The following GC variants were observed in gnomAD, a reference collection of about 807,000 sequenced individuals.
The protein encoded by GC is vitamin D-binding protein.
In GC, 43 loss-of-function variants were observed where a neutral mutation model predicts 56.7. That is an observed-to-expected ratio of 0.76 (90% confidence interval 0.59 to 0.98). The LOEUF (loss-of-function observed/expected upper bound fraction) is 0.98, where lower values mean the gene tolerates loss of function less well. GC is among the 50% of genes least tolerant of loss of function. The pLI, the probability that GC is intolerant of heterozygous loss-of-function variation, is 0.00. For synonymous variants in GC, 216 were observed against 202.7 expected (o/e 1.07, Z -0.56); for missense variants, 529 against 545.9 (o/e 0.97, Z 0.31).
At chr4:71,744,865 A>G (rs1036140483) in intron 12 of GC, among the ~76,000 whole-genome samples, 3 of 152,224 alleles carry the variant, frequency 2.0e-5, no homozygotes, top group Non-Finnish European at 4.4e-5. Context: ...CAGAGATCAG[A>G]AACTATTTTA....
intron 1 of GC, among the ~76,000 whole-genome samples, chr4:71,802,408 A>G (rs1359604249): frequency 6.6e-6 from 1 of 152,198 alleles, no homozygotes; most frequent in South Asian, 2.1e-4. Context: ...GGCCCATACA[A>G]TCTTTTAGAG....
chr4:71,761,434 A>C (rs1425799252), intron 6 of GC, among the ~76,000 whole-genome samples: 1 of 152,246 alleles, frequency 6.6e-6, no homozygotes. Context: ...AAAAGTTCAG[A>C]AAATTTGCAG....
intron 1 of GC, among the ~76,000 whole-genome samples, chr4:71,774,900 T>C (rs1423853101): frequency 6.6e-6 from 1 of 152,036 alleles, no homozygotes; most frequent in Non-Finnish European, 1.5e-5. Flanking sequence ...AGAATTACTC[T>C]ATTGAAATTT....
chr4:71,751,238 T>C (rs1389850804), intron 11 of GC, among the ~76,000 whole-genome samples: 1 of 152,114 alleles, frequency 6.6e-6, no homozygotes, highest in Non-Finnish European at 1.5e-5. Flanking sequence ...AGATGCTGAC[T>C]TGGTGAAAGA....
intron 1 of GC, among the ~76,000 whole-genome samples, chr4:71,794,265 G>T (rs1291301762): frequency 6.6e-6 from 1 of 152,068 alleles, no homozygotes; most frequent in African/African-American, 2.4e-5. Flanking sequence ...GGTAGAATTC[G>T]GCTGTGAATC....
chr4:71,789,510 G>A (rs1742921774), intron 1 of GC, among the ~76,000 whole-genome samples: 1 of 151,858 alleles, frequency 6.6e-6, no homozygotes, highest in Non-Finnish European at 1.5e-5. Flanking sequence ...GGATCATATT[G>A]CAAAATAAGT....
In GC at chr4:71,790,560, T is replaced by A. The variant is rs61582153; in HGVS notation, c.22-6506A>T. ...GTTTGCTTTCTACTTTTTTCTTCTG[T>A]ATTTTTTCCTTTTTTTGTTCATTTT... On this transcript the variant is annotated intron_variant, in intron 1 of 13. Transcript: ENST00000504199. Among the ~76,000 whole-genome samples the A allele has an allele frequency of 2.7e-4, 41 of 152,032 alleles. 1 individual carries two copies. In the East Asian group the frequency reaches 7.6e-3, roughly 28 times the overall value.
intron 1 of GC, among the ~76,000 whole-genome samples, chr4:71,794,866 C>T (rs950857971): frequency 5.3e-5 from 8 of 152,036 alleles, no homozygotes; most frequent in Non-Finnish European, 1.2e-4. Context: ...TGTCTTTTTT[C>T]TCATTGGTTT....
chr4:71,804,074 A>C, upstream of GC: 1 of 701,176 alleles, frequency 1.4e-6, no homozygotes, highest in Non-Finnish European at 2.6e-6. Flanking sequence ...TTAGACAAAG[A>C]TTTGTATGCA....
At chr4:71,781,320 G>A (rs1160987876) in intron 1 of GC, among the ~76,000 whole-genome samples, 1 of 151,630 alleles carries the variant, frequency 6.6e-6, no homozygotes, top group Admixed American at 6.6e-5. Context: ...AACCAACATG[G>A]CACATGTATA....
upstream of GC, among the ~76,000 whole-genome samples, chr4:71,788,184 T>C (rs776354238): frequency 2.4e-5 from 3 of 126,672 alleles, no homozygotes; most frequent in Non-Finnish European, 5.7e-5. Flanking sequence ...CATGCTAGAA[T>C]TCTGTAATTC....
intron 12 of GC, among the ~76,000 whole-genome samples, chr4:71,744,286 C>CAAAAAAAAAAA (rs748337307): frequency 1.2e-5 from 1 of 83,590 alleles, no homozygotes; most frequent in Admixed American, 1.2e-4. Context: ...ACTAAAAATA[C>CAAAAAAAAAAA]AAAAAAAAAA....
At chr4:71,754,536 A>G in intron 9 of GC, 28 bp from the exon 10 acceptor site, 3 of 1,153,900 alleles carry the variant, frequency 2.6e-6, no homozygotes, top group East Asian at 4.7e-5. Flanking sequence ...TTGCATAACA[A>G]AATTATTTGT....
upstream of GC, chr4:71,784,290 T>C (rs1268901491): frequency 2.6e-6 from 3 of 1,145,126 alleles, no homozygotes; most frequent in East Asian, 1.4e-4. Flanking sequence ...TCATTAACTT[T>C]GTCAAACTGC....
At chr4:71,792,689 CT>C (rs1317023368) in intron 1 of GC, among the ~76,000 whole-genome samples, 1 of 152,080 alleles carries the variant, frequency 6.6e-6, no homozygotes, top group African/African-American at 2.4e-5. Context: ...TCTATTTTGA[CT>C]TTTGTTGCCA....
intron 6 of GC, among the ~76,000 whole-genome samples, chr4:71,760,527 G>A (rs1741934251): frequency 6.6e-6 from 1 of 152,068 alleles, no homozygotes; most frequent in Non-Finnish European, 1.5e-5. Context: ...TATGAGAGAA[G>A]TGCAGCATAG....
upstream of GC, among the ~76,000 whole-genome samples, chr4:71,789,045 T>C (rs994274641): frequency 7.2e-5 from 11 of 151,952 alleles, no homozygotes; most frequent in African/African-American, 2.7e-4. Flanking sequence ...GGTCTGAATA[T>C]TAAAACTGTG....
intron 1 of GC, among the ~76,000 whole-genome samples, chr4:71,781,250 G>A (rs549921022): frequency 2.0e-5 from 3 of 151,906 alleles, no homozygotes; most frequent in Non-Finnish European, 4.4e-5. Context: ...TGGGGAGCAG[G>A]GGGAGGGATA....
chr4:71,801,046 A>G (rs72860581), intron 1 of GC, among the ~76,000 whole-genome samples: 3,015 of 152,300 alleles, frequency 0.02, 100 homozygotes, highest in African/African-American at 0.068. Context: ...TGAAATGACA[A>G]CCCACGGATT....
Sources: allele counts gnomAD v4.1 joint callset (sites outside exome capture counted in the v4.1 genomes callset), GRCh38; gene constraint gnomAD v4.1.1; transcripts MANE v1.5; gene names NCBI Gene and HGNC (gene_info 2026-07-23, HGNC 2026-07-21).